The following MGAT4C variants were observed in gnomAD, a reference collection of about 807,000 sequenced individuals.
The protein encoded by MGAT4C is MGAT4 family member C.
In MGAT4C, 19 loss-of-function variants were observed where a neutral mutation model predicts 40.1. That is an observed-to-expected ratio of 0.47 (90% CI 0.33 to 0.70). MGAT4C has a LOEUF of 0.70. Among genes scored for constraint, MGAT4C ranks in the 30% least tolerant of loss-of-function variants. MGAT4C has a pLI of 0.02. For missense variants in MGAT4C, 491 were observed against 563.2 expected, an observed-to-expected ratio of 0.87 and a Z score of 1.30; for synonymous variants, 181 against 187.1, an observed-to-expected ratio of 0.97 and a Z score of 0.27.
At chr12:86,322,586 T>G (rs1454571029) in intron 4 of MGAT4C, among the ~76,000 whole-genome samples, 3 of 152,006 alleles carry the variant, frequency 2.0e-5, no homozygotes, top group Non-Finnish European at 4.4e-5. Context: ...TTCTTAATTT[T>G]TTTTATTTTT....
chr12:86,105,538 C>T (rs1012983532), intron 1 of MGAT4C, among the ~76,000 whole-genome samples: 8 of 152,130 alleles, frequency 5.3e-5, no homozygotes, highest in Admixed American at 6.6e-5. Context: ...ATCTATCTCA[C>T]GTTTCCTATA....
chr12:86,200,131 T>A (rs56053502), intron 1 of MGAT4C, among the ~76,000 whole-genome samples: 9,860 of 89,208 alleles, frequency 0.11, 484 homozygotes, highest in Middle Eastern at 0.33. Context: ...GTATTTGTTT[T>A]TTTTTTTTTT....
chr12:86,096,372 C>T (rs1490660435), intron 1 of MGAT4C, among the ~76,000 whole-genome samples: 1 of 151,082 alleles, frequency 6.6e-6, no homozygotes, highest in Non-Finnish European at 1.5e-5. Context: ...TGCCTATCTT[C>T]TATATTTTTT....
At chr12:86,429,557 G>A (rs941471768) in intron 3 of MGAT4C, among the ~76,000 whole-genome samples, 1 of 152,036 alleles carries the variant, frequency 6.6e-6, no homozygotes, top group Non-Finnish European at 1.5e-5. Context: ...TGGTTGTCAC[G>A]TTTTTTGTTT....
At chr12:86,640,626 A>C (rs970391998) in intron 2 of MGAT4C, among the ~76,000 whole-genome samples, 1 of 151,640 alleles carries the variant, frequency 6.6e-6, no homozygotes, top group African/African-American at 2.4e-5. Flanking sequence ...GATTTTAGTT[A>C]TTTCTTGCCT....
intron 4 of MGAT4C, among the ~76,000 whole-genome samples, chr12:86,292,328 A>G (rs936579238): frequency 2.0e-5 from 3 of 151,590 alleles, no homozygotes; most frequent in Admixed American, 1.3e-4. Flanking sequence ...AGATATAACT[A>G]CTCCTTTAAC....
intron 2 of MGAT4C, among the ~76,000 whole-genome samples, chr12:86,480,507 C>CATAT (rs77388286): frequency 1.3e-3 from 37 of 29,360 alleles, no homozygotes; most frequent in African/African-American, 2.8e-3. Context: ...TACACATATA[C>CATAT]GTATGTATAC....
chr12:86,615,068 T>G (rs1454993898), intron 2 of MGAT4C, among the ~76,000 whole-genome samples: 1 of 152,088 alleles, frequency 6.6e-6, no homozygotes, highest in African/African-American at 2.4e-5. Context: ...GAAATTGCTG[T>G]ATCTAGAATA....
chr12:86,706,225 C>T (rs553668797), intron 2 of MGAT4C, among the ~76,000 whole-genome samples: 1 of 152,126 alleles, frequency 6.6e-6, no homozygotes, highest in East Asian at 1.9e-4. Context: ...TTTTGTCTTA[C>T]TGGATAAATT....
At chr12:86,719,583 A>G (rs1593148298) in intron 2 of MGAT4C, among the ~76,000 whole-genome samples, 1 of 152,192 alleles carries the variant, frequency 6.6e-6, no homozygotes, top group East Asian at 1.9e-4. Context: ...GGAATGATTT[A>G]TCATACCTCT....
chr12:86,653,635 C>T (rs1963761744), intron 2 of MGAT4C, among the ~76,000 whole-genome samples: 1 of 151,844 alleles, frequency 6.6e-6, no homozygotes, highest in Admixed American at 6.6e-5. Flanking sequence ...ATGAACAATC[C>T]TCTCACTTAT....
At chr12:86,771,154 T>C (rs1354576061) in intron 1 of MGAT4C, among the ~76,000 whole-genome samples, 5 of 152,096 alleles carry the variant, frequency 3.3e-5, no homozygotes, top group African/African-American at 1.2e-4. Flanking sequence ...GCCTGGAACA[T>C]ATCCTTTCCT....
intron 2 of MGAT4C, among the ~76,000 whole-genome samples, chr12:86,574,775 T>A (rs1466594302): frequency 6.6e-6 from 1 of 151,758 alleles, no homozygotes; most frequent in African/African-American, 2.4e-5. Context: ...ATTATTTGAA[T>A]CCCTACTATA....
At chr12:86,695,775 A>G (rs1439494436) in intron 2 of MGAT4C, among the ~76,000 whole-genome samples, 1 of 152,078 alleles carries the variant, frequency 6.6e-6, no homozygotes, top group Non-Finnish European at 1.5e-5. Flanking sequence ...AGAGGCTAGG[A>G]AGGGTAGTTA....
Position 85,965,178 on chromosome 12 carries a change from G to A in MGAT4C, c.*14111C>T, listed in dbSNP as rs1013034560. 8 of 152,110 alleles carry A rather than the reference G, an allele frequency of 5.3e-5. No individual in the cohort carries two copies. Among genetic ancestry groups the A allele is most frequent in the African/African-American group, 1.7e-4 (7 of 41,412 alleles). 9.4% of individuals were successfully genotyped at this position (152,110 alleles called of 1,614,324 possible). A position where few individuals can be genotyped will look rare whatever the true frequency, so the allele number is the denominator to read the frequency against. On this transcript the variant is annotated 3_prime_UTR_variant, in exon 5 of 5. Transcript: ENST00000611864. ...GTACATGTGCATAACGTGCAGGTTT[G>A]TTACATATGTATACATGTGCCATGT... is the stretch of plus-strand genomic sequence containing the variant.
chr12:86,526,028 A>G (rs1431165729), intron 2 of MGAT4C, among the ~76,000 whole-genome samples: 2 of 152,188 alleles, frequency 1.3e-5, no homozygotes, highest in Non-Finnish European at 2.9e-5. Context: ...GTTATTCAAA[A>G]CAGTGGTGGA....
chr12:86,273,145 A>G (rs1462812980), intron 4 of MGAT4C, among the ~76,000 whole-genome samples: 2 of 152,136 alleles, frequency 1.3e-5, no homozygotes, highest in Non-Finnish European at 2.9e-5. Flanking sequence ...GACAAGATCA[A>G]TTTCCTGGAT....
intron 1 of MGAT4C, among the ~76,000 whole-genome samples, chr12:86,184,348 C>T (rs1888476862): frequency 6.6e-6 from 1 of 151,196 alleles, no homozygotes; most frequent in Non-Finnish European, 1.5e-5. Flanking sequence ...TGCACTCCAG[C>T]CTGGGTGACT....
At chr12:86,413,257 G>C (rs1353875081) in intron 3 of MGAT4C, among the ~76,000 whole-genome samples, 1 of 152,168 alleles carries the variant, frequency 6.6e-6, no homozygotes, top group South Asian at 2.1e-4. Context: ...TATCGAGAAA[G>C]AGAAGAGGGA....
Sources: gnomAD v4.1 joint callset for allele counts (sites outside exome capture counted in the v4.1 genomes callset) on GRCh38, gnomAD v4.1.1 for gene constraint, MANE v1.5 for transcripts, NCBI Gene and HGNC (gene_info 2026-07-23, HGNC 2026-07-21) for gene names.